The following CDH4 variants were observed in gnomAD, a reference collection of about 807,000 sequenced individuals.
CDH4 encodes the protein cadherin-4.
In CDH4, 33 loss-of-function variants were observed where a neutral mutation model predicts 86.0. That is an observed-to-expected ratio of 0.38 (90% CI 0.29 to 0.51). The LOEUF is 0.51. CDH4 is among the 20% of genes least tolerant of loss of function. The pLI is 0.86. For missense variants in CDH4, 1,114 were observed against 1,307.4 expected (o/e 0.85, Z 2.28); for synonymous variants, 555 against 549.4 (o/e 1.01, Z -0.14).
intron 5 of CDH4, among the ~76,000 whole-genome samples, chr20:61,848,025 A>G (rs916400765): frequency 2.0e-5 from 3 of 152,252 alleles, no homozygotes; most frequent in Non-Finnish European, 4.4e-5. Flanking sequence ...TCGTCTGTTT[A>G]TTCTTTCTGC....
intron 2 of CDH4, among the ~76,000 whole-genome samples, chr20:61,565,221 T>TGATGGTAGTGGTCCTCTTGGTGATGGGG (rs1414076004): frequency 2.5e-5 from 1 of 40,548 alleles, no homozygotes; most frequent in African/African-American, 1.4e-4. Flanking sequence ...CTCTCGGTGG[T>TGATGGTAGTGGTCCTCTTGGTGATGGGG]AGGTGGTGGT....
chr20:61,851,104 C>T (rs781308006), intron 5 of CDH4, among the ~76,000 whole-genome samples: 2 of 152,200 alleles, frequency 1.3e-5, no homozygotes, highest in South Asian at 2.1e-4. Context: ...AGTCTGCCCG[C>T]GACGGGGCGG....
At chr20:61,472,476 G>T (rs1351402714) in intron 2 of CDH4, among the ~76,000 whole-genome samples, 1 of 152,000 alleles carries the variant, frequency 6.6e-6, no homozygotes, top group Non-Finnish European at 1.5e-5. Flanking sequence ...CTTCATTTTG[G>T]TGAAGGTGAT....
intron 10 of CDH4, among the ~76,000 whole-genome samples, 174 bp from the exon 11 acceptor site, chr20:61,924,160 G>T (rs1274640229): frequency 6.6e-6 from 1 of 152,206 alleles, no homozygotes; most frequent in Non-Finnish European, 1.5e-5. Context: ...GGGGGAGGGT[G>T]CCAGTCCAAC....
chr20:61,931,603 G>T (rs980066182), intron 13 of CDH4, among the ~76,000 whole-genome samples: 1 of 152,240 alleles, frequency 6.6e-6, no homozygotes, highest in Non-Finnish European at 1.5e-5. Context: ...GACATGGGAG[G>T]TGACGGGAGG....
chr20:61,933,486 C>T (rs1377551015), intron 14 of CDH4, among the ~76,000 whole-genome samples: 2 of 152,222 alleles, frequency 1.3e-5, no homozygotes, highest in Non-Finnish European at 2.9e-5. Flanking sequence ...GGGCAGTGCA[C>T]CAGGCGCCCG....
chr20:61,522,841 C>T (rs6061595), intron 2 of CDH4, among the ~76,000 whole-genome samples: 23,419 of 152,234 alleles, frequency 0.15, 2,226 homozygotes, highest in East Asian at 0.33. Context: ...GTTATCCTGG[C>T]CAGTTGATTA....
At chr20:61,860,146 A>G (rs529444868) in intron 6 of CDH4, among the ~76,000 whole-genome samples, 149 of 152,366 alleles carry the variant, frequency 9.8e-4, no homozygotes, top group African/African-American at 3.3e-3. Context: ...ACTCCTTCAT[A>G]TTAACAGCAA....
intron 2 of CDH4, among the ~76,000 whole-genome samples, chr20:61,738,004 G>A (rs1358462866): frequency 6.6e-6 from 1 of 152,166 alleles, no homozygotes; most frequent in Non-Finnish European, 1.5e-5. Context: ...CGGGTGCTGG[G>A]ACCCTGAGGT....
At chr20:61,900,115 G>A (rs1985319194) in intron 8 of CDH4, among the ~76,000 whole-genome samples, 1 of 152,190 alleles carries the variant, frequency 6.6e-6, no homozygotes, top group Non-Finnish European at 1.5e-5. Context: ...CTCAGCGGGG[G>A]GGACTGGCTG....
intron 10 of CDH4, 70 bp downstream of exon 10, chr20:61,923,774 A>ACC (rs11484270): frequency 6.5e-7 from 1 of 1,535,204 alleles, no homozygotes; most frequent in African/African-American, 1.4e-5. Flanking sequence ...GTCCAGAAAT[A>ACC]CCCCATGAAA....
At chr20:61,280,061 C>T (rs578158365) in intron 2 of CDH4, among the ~76,000 whole-genome samples, 3 of 152,154 alleles carry the variant, frequency 2.0e-5, no homozygotes, top group East Asian at 1.9e-4. Flanking sequence ...CTGTGAAGTG[C>T]GGGGCCTCCC....
intron 2 of CDH4, among the ~76,000 whole-genome samples, chr20:61,384,224 G>T (rs992224605): frequency 4.6e-5 from 7 of 152,100 alleles, no homozygotes; most frequent in African/African-American, 1.2e-4. Context: ...CCCAGGATCA[G>T]TACTTTGTAT....
At chr20:61,433,248 C>G (rs1568842676) in intron 2 of CDH4, among the ~76,000 whole-genome samples, 1 of 152,074 alleles carries the variant, frequency 6.6e-6, no homozygotes, top group African/African-American at 2.4e-5. Context: ...ACCATTTGTT[C>G]AAAAGAGTTC....
At chr20:61,485,603 G>A (rs962533002) in intron 2 of CDH4, among the ~76,000 whole-genome samples, 5 of 152,238 alleles carry the variant, frequency 3.3e-5, no homozygotes, top group East Asian at 1.9e-4. Flanking sequence ...TACTGGTGGG[G>A]AGGGTGGCTC....
At chr20:61,928,618 A>G (rs2055072537) in intron 12 of CDH4, among the ~76,000 whole-genome samples, 195 bp downstream of exon 12, 1 of 152,216 alleles carries the variant, frequency 6.6e-6, no homozygotes. Context: ...GAGGCCACCA[A>G]GTCATTCCCA....
intron 8 of CDH4, among the ~76,000 whole-genome samples, chr20:61,907,508 G>A (rs543589835): frequency 2.6e-5 from 4 of 152,262 alleles, no homozygotes; most frequent in Admixed American, 1.3e-4. Context: ...GGCCTGAGTC[G>A]CCCCTGCTAT....
In CDH4 at chr20:61,405,880, C is replaced by G. The variant is rs532690294; in HGVS notation, c.169+150943C>G. 9.9e-5 allele frequency among the ~76,000 whole-genome samples: 15 copies of G among 152,246 alleles called. No individual in the cohort carries two copies. In the South Asian group the frequency reaches 3.1e-3, roughly 32 times the overall value. ...TATTTTTAGTAGAGACGGGGTTTCA[C>G]CGTGTTAGCCAAGATGGTCTCGATC... On this transcript the variant is annotated intron_variant, in intron 2 of 15. Coordinates refer to ENST00000614565, the MANE Select transcript of CDH4 (RefSeq NM_001794.5).
intron 2 of CDH4, among the ~76,000 whole-genome samples, chr20:61,433,085 TG>T (rs1384588355): frequency 2.6e-5 from 4 of 152,164 alleles, no homozygotes; most frequent in African/African-American, 9.7e-5. Flanking sequence ...GTGATCCGCC[TG>T]CCTTGGCCTC....
Sources: gnomAD v4.1 joint callset for allele counts (sites outside exome capture counted in the v4.1 genomes callset) on GRCh38, gnomAD v4.1.1 for gene constraint, MANE v1.5 for transcripts, NCBI Gene and HGNC (gene_info 2026-07-23, HGNC 2026-07-21) for gene names.